SUPT3H: variants seen among roughly 807,000 people sequenced by gnomAD.
The protein encoded by SUPT3H is transcription initiation protein SPT3 homolog.
In SUPT3H, 44 loss-of-function variants were observed where a neutral mutation model predicts 44.3. The ratio of observed to expected loss-of-function variants is 0.99; its 90% CI spans 0.78 to 1.28. The LOEUF (loss-of-function observed/expected upper bound fraction) is 1.28, where lower values mean the gene tolerates loss of function less well. Ranked by LOEUF, SUPT3H falls within the 50% of genes most tolerant of loss-of-function variation. SUPT3H has a pLI of 0.00. For missense variants in SUPT3H, 380 were observed against 387.1 expected (o/e 0.98, Z 0.15); for synonymous variants, 124 against 125.6 (o/e 0.99, Z 0.09).
chr6:45,232,919 G>A (rs938041878), intron 2 of SUPT3H, among the ~76,000 whole-genome samples: 1 of 152,128 alleles, frequency 6.6e-6, no homozygotes, highest in Non-Finnish European at 1.5e-5. Context: ...CAGTGGCTGG[G>A]CCTACAGAAG....
At chr6:45,086,254 A>T (rs983465204) in intron 3 of SUPT3H, among the ~76,000 whole-genome samples, 1 of 152,060 alleles carries the variant, frequency 6.6e-6, no homozygotes, top group Non-Finnish European at 1.5e-5. Context: ...TGCTTACTGC[A>T]CAAATAAATT....
intron 2 of SUPT3H, among the ~76,000 whole-genome samples, chr6:45,364,875 T>C (rs1359842738): frequency 6.6e-6 from 1 of 152,180 alleles, no homozygotes; most frequent in Non-Finnish European, 1.5e-5. Context: ...CAAAATTTCC[T>C]AAATCTATAA....
intron 6 of SUPT3H, among the ~76,000 whole-genome samples, chr6:44,971,572 G>C (rs565023228): frequency 1.3e-5 from 2 of 152,156 alleles, no homozygotes; most frequent in South Asian, 4.2e-4. Context: ...GAAGCATGGG[G>C]GTAACTGCCC....
intron 2 of SUPT3H, among the ~76,000 whole-genome samples, chr6:45,309,763 T>A: frequency 6.7e-6 from 1 of 148,794 alleles, no homozygotes; most frequent in Non-Finnish European, 1.5e-5. Flanking sequence ...AAGAAAGAAA[T>A]CACATATAAC....
At chr6:45,187,959 T>A (rs1814522683) in intron 2 of SUPT3H, among the ~76,000 whole-genome samples, 1 of 152,238 alleles carries the variant, frequency 6.6e-6, no homozygotes, top group Non-Finnish European at 1.5e-5. Context: ...AAACAATTCA[T>A]AAGTTTTAAA....
At chr6:45,356,017 G>A (rs1741939662) in intron 2 of SUPT3H, among the ~76,000 whole-genome samples, 1 of 152,142 alleles carries the variant, frequency 6.6e-6, no homozygotes, top group African/African-American at 2.4e-5. Context: ...AAAACTGGTT[G>A]TAACGTAGTT....
chr6:44,879,321 T>C (rs1423757722), intron 10 of SUPT3H, among the ~76,000 whole-genome samples: 1 of 152,204 alleles, frequency 6.6e-6, no homozygotes, highest in African/African-American at 2.4e-5. Flanking sequence ...AACTTTGAAC[T>C]GGGCAGAGCC....
intron 6 of SUPT3H, among the ~76,000 whole-genome samples, chr6:44,998,572 A>G (rs1054928772): frequency 2.0e-5 from 3 of 151,902 alleles, no homozygotes; most frequent in African/African-American, 7.2e-5. Context: ...CTGGCAAATA[A>G]AAGTGGTAAC....
intron 6 of SUPT3H, among the ~76,000 whole-genome samples, chr6:44,963,758 C>T (rs1468110518): frequency 3.3e-5 from 5 of 151,936 alleles, no homozygotes; most frequent in African/African-American, 7.3e-5. Context: ...CCAGCACTTT[C>T]GAAGGCTGAG....
chr6:44,946,791 T>C (rs1348615226), intron 9 of SUPT3H, among the ~76,000 whole-genome samples: 1 of 152,184 alleles, frequency 6.6e-6, no homozygotes, highest in Non-Finnish European at 1.5e-5. Context: ...TCCATAAACT[T>C]AGCTGATAAA....
At chr6:44,992,348 A>G (rs960495603) in intron 6 of SUPT3H, among the ~76,000 whole-genome samples, 2 of 152,194 alleles carry the variant, frequency 1.3e-5, no homozygotes, top group Admixed American at 6.5e-5. Flanking sequence ...GACTAAAAAC[A>G]GCAGCCCGGT....
At chr6:45,256,303 A>C (rs1370339274) in intron 2 of SUPT3H, among the ~76,000 whole-genome samples, 2 of 152,224 alleles carry the variant, frequency 1.3e-5, no homozygotes, top group African/African-American at 4.8e-5. Context: ...ACCATTCTGG[A>C]GACTGGGAAG....
intron 6 of SUPT3H, among the ~76,000 whole-genome samples, chr6:44,999,272 C>T (rs137978925): frequency 7.2e-5 from 11 of 151,930 alleles, no homozygotes; most frequent in Admixed American, 2.6e-4. Context: ...AATAGTGTTT[C>T]GGTTTTTCGT....
At position 45,281,055 on chromosome 6, in the gene SUPT3H, T is replaced by A. The variant is rs533913139; in HGVS notation, c.101+84146A>T. The stretch of plus-strand genomic sequence containing the variant: ...TTAACTGAGATAGCTCATTTCAAAT[T>A]AAGCAACTTATAAAAGACTGTTTTA... On this transcript the variant is annotated intron_variant, in intron 2 of 10. Transcript: ENST00000371459. Among the ~76,000 whole-genome samples, 19 of 152,368 alleles carry A rather than the reference T, an allele frequency of 1.2e-4. No individual in the cohort carries two copies. In the South Asian group the frequency reaches 3.3e-3, roughly 27 times the overall value.
chr6:45,139,860 T>C (rs1020608314), intron 2 of SUPT3H, among the ~76,000 whole-genome samples: 5 of 152,046 alleles, frequency 3.3e-5, no homozygotes, highest in East Asian at 1.9e-4. Flanking sequence ...CCACTGAAAT[T>C]TGTAATAATT....
Position 45,286,560 on chromosome 6 carries a change from T to C in SUPT3H, c.101+78641A>G, listed in dbSNP as rs1346824521. 3.3e-5 allele frequency among the ~76,000 whole-genome samples: 5 copies of C among 152,162 alleles called. No individual in the cohort carries two copies. The East Asian group carries it at 9.6e-4, about 29-fold the overall frequency. On this transcript the variant is annotated intron_variant, in intron 2 of 10. Coordinates refer to ENST00000371459, the MANE Select transcript of SUPT3H (RefSeq NM_003599.4). ...CAATGAGATACCAACTCACACCAGT[T>C]AGAATGGCGATCATTAAAAACTGAG... is the stretch of plus-strand genomic sequence containing the variant.
intron 10 of SUPT3H, among the ~76,000 whole-genome samples, chr6:44,887,151 T>A (rs958735641): frequency 6.6e-6 from 1 of 152,062 alleles, no homozygotes; most frequent in African/African-American, 2.4e-5. Context: ...AGACTTAGAC[T>A]CCCACACAAT....
At chr6:44,937,267 GGATC>G (rs1442219201) in intron 9 of SUPT3H, among the ~76,000 whole-genome samples, 4 of 151,954 alleles carry the variant, frequency 2.6e-5, no homozygotes, top group Admixed American at 2.6e-4. Context: ...CGAGGCAGGT[GGATC>G]ACTAGAGGTC....
intron 2 of SUPT3H, among the ~76,000 whole-genome samples, chr6:45,230,100 G>A (rs1415886652): frequency 6.6e-6 from 1 of 152,008 alleles, no homozygotes; most frequent in African/African-American, 2.4e-5. Flanking sequence ...TTCTGTATCT[G>A]GCTAATTTTC....
Sources: gnomAD v4.1 joint callset for allele counts (sites outside exome capture counted in the v4.1 genomes callset) on GRCh38, gnomAD v4.1.1 for gene constraint, MANE v1.5 for transcripts, NCBI Gene and HGNC (gene_info 2026-07-23, HGNC 2026-07-21) for gene names.